Variants in VPS13B observed in about 807,000 individuals in gnomAD.
The protein encoded by VPS13B is vacuolar protein sorting 13 homolog B.
Under a neutral mutation model 426.4 loss-of-function variants are expected in VPS13B, and 285 were observed. The observed-to-expected ratio is 0.67, with a 90% CI of 0.61 to 0.74. The LOEUF (loss-of-function observed/expected upper bound fraction) is 0.74. VPS13B is among the 30% of genes least tolerant of loss of function. The probability of loss-of-function intolerance (pLI) is 0.00; values close to 1 mark genes in which losing one functional copy is unlikely to be tolerated. For synonymous variants in VPS13B, 1,676 were observed against 1,676.4 expected, an observed-to-expected ratio of 1.00 and a Z score of 0.01; for missense variants, 4,537 against 4,782.6, an observed-to-expected ratio of 0.95 and a Z score of 1.51.
chr8:99,708,802 A>AT (rs1563875172), intron 36 of VPS13B, among the ~76,000 whole-genome samples: 1 of 151,464 alleles, frequency 6.6e-6, no homozygotes, highest in South Asian at 2.1e-4. Context: ...TTAGTTTACC[A>AT]TATTAATAGG....
intron 39 of VPS13B, among the ~76,000 whole-genome samples, chr8:99,729,239 A>G (rs1276977429): frequency 1.3e-5 from 2 of 151,946 alleles, no homozygotes; most frequent in Non-Finnish European, 1.5e-5. Flanking sequence ...CTTGCTTTCC[A>G]CCCTGGCTAT....
intron 24 of VPS13B, among the ~76,000 whole-genome samples, chr8:99,477,181 A>G (rs957547253): frequency 1.3e-5 from 2 of 152,164 alleles, no homozygotes; most frequent in Admixed American, 6.5e-5. Flanking sequence ...AGATACCTAT[A>G]TATTCCTTTT....
At chr8:99,183,809 C>T (rs1813073023) in intron 16 of VPS13B, among the ~76,000 whole-genome samples, 1 of 152,116 alleles carries the variant, frequency 6.6e-6, no homozygotes, top group Admixed American at 6.5e-5. Context: ...TGTTTTTAAG[C>T]ATACAATTCA....
intron 21 of VPS13B, chr8:99,424,373 G>A (rs1183057751): frequency 6.6e-6 from 1 of 151,664 alleles, no homozygotes; most frequent in Non-Finnish European, 1.5e-5. Context: ...CAATTTGCCA[G>A]CCAGTCAAAC....
intron 17 of VPS13B, among the ~76,000 whole-genome samples, chr8:99,266,464 A>T (rs924295091): frequency 2.6e-5 from 4 of 152,054 alleles, no homozygotes; most frequent in Admixed American, 6.6e-5. Flanking sequence ...GACTAAGATT[A>T]TGTGTTAGGA....
intron 43 of VPS13B, among the ~76,000 whole-genome samples, chr8:99,789,156 C>G (rs1355299412): frequency 6.6e-6 from 1 of 152,120 alleles, no homozygotes; most frequent in Admixed American, 6.6e-5. Flanking sequence ...CGGAAAGCAA[C>G]AGGTTTTGAG....
chr8:99,415,886 C>CG (rs1484440134), intron 21 of VPS13B, among the ~76,000 whole-genome samples: 1 of 152,310 alleles, frequency 6.6e-6, no homozygotes, highest in East Asian at 1.9e-4. Context: ...TCAGGAAGCA[C>CG]GGGGGTCGGG....
chr8:99,832,696 G>A, intron 52 of VPS13B, 44 bp downstream of exon 52: 2 of 1,599,978 alleles, frequency 1.3e-6, no homozygotes, highest in Non-Finnish European at 1.7e-6. Context: ...TTGCTTGTCA[G>A]TCTAGCTGTT....
chr8:99,365,969 TTG>T (rs535109734), intron 19 of VPS13B, among the ~76,000 whole-genome samples: 33 of 146,294 alleles, frequency 2.3e-4, no homozygotes, highest in Non-Finnish European at 3.9e-4. Flanking sequence ...AGGTTTTTTG[TTG>T]TTTTTTTTTT....
chr8:99,417,460 C>T (rs981153413), intron 21 of VPS13B, among the ~76,000 whole-genome samples: 36 of 152,178 alleles, frequency 2.4e-4, no homozygotes, highest in Non-Finnish European at 3.5e-4. Flanking sequence ...AACTACCTCT[C>T]TCAACCTAAA....
intron 14 of VPS13B, among the ~76,000 whole-genome samples, chr8:99,156,097 A>G (rs191023696): frequency 1.3e-5 from 2 of 152,290 alleles, no homozygotes; most frequent in Non-Finnish European, 2.9e-5. Flanking sequence ...ACCTGCAAAC[A>G]TTGCTTATTG....
intron 42 of VPS13B, among the ~76,000 whole-genome samples, chr8:99,783,792 C>T (rs1168404588): frequency 6.6e-6 from 1 of 152,202 alleles, no homozygotes; most frequent in Admixed American, 6.5e-5. Flanking sequence ...ATTTACATCT[C>T]TCACTGAGCA....
chr8:99,830,648 G>GA (rs147787783), intron 51 of VPS13B, among the ~76,000 whole-genome samples: 7 of 151,866 alleles, frequency 4.6e-5, no homozygotes, highest in African/African-American at 9.7e-5. Context: ...ACTGGGGTAT[G>GA]AAAAAAAACT....
rs933434990 is a variant in VPS13B, at chr8:99,876,746, A to C, written c.*1080A>C. The C allele has an allele frequency of 6.6e-6, 1 of 152,172 alleles. No individual in the cohort carries two copies. The highest frequency in any genetic ancestry group is 6.5e-5 in the Admixed American group (1 of 15,280). The allele number at this position is 152,172 out of a possible 1,614,324, so 9.4% of individuals were successfully genotyped here. A position where few individuals can be genotyped will look rare whatever the true frequency, so the allele number is the denominator to read the frequency against. On this transcript the variant is annotated 3_prime_UTR_variant, in exon 62 of 62. Transcript: ENST00000357162. The stretch of plus-strand genomic sequence containing the variant: ...TCAGTAAATATCTTTCTTACAGTCC[A>C]GTAGCTTAGAGCATGTTTGCTGATT...
chr8:99,274,117 T>G (rs963637584), intron 17 of VPS13B, 81 bp from the exon 18 acceptor site: 2 of 1,576,226 alleles, frequency 1.3e-6, no homozygotes, highest in Non-Finnish European at 1.7e-6. Flanking sequence ...AGAGTATAAT[T>G]AAGTTTAAAT....
At chr8:99,233,406 G>A (rs776709392) in intron 17 of VPS13B, 15 of 1,150,236 alleles carry the variant, frequency 1.3e-5, no homozygotes, top group African/African-American at 9.1e-5. Flanking sequence ...AGGCTCTGGC[G>A]AGTCTTGCCA....
At chr8:99,381,078 C>T (rs547457920) in intron 19 of VPS13B, among the ~76,000 whole-genome samples, 4 of 151,976 alleles carry the variant, frequency 2.6e-5, no homozygotes, top group Admixed American at 1.3e-4. Context: ...CTGATAGGCC[C>T]CAATGTCTGT....
intron 56 of VPS13B, among the ~76,000 whole-genome samples, chr8:99,858,587 A>G (rs1326713596): frequency 6.6e-6 from 1 of 152,118 alleles, no homozygotes; most frequent in African/African-American, 2.4e-5. Context: ...TGGGAGGCTG[A>G]GGCAGAAGAA....
intron 8 of VPS13B, among the ~76,000 whole-genome samples, chr8:99,130,294 T>G (rs936279173): frequency 5.3e-5 from 8 of 152,194 alleles, no homozygotes; most frequent in African/African-American, 1.9e-4. Context: ...CATTAGCATT[T>G]TGAGCAGTTG....
Sources: allele counts gnomAD v4.1 joint callset (sites outside exome capture counted in the v4.1 genomes callset), GRCh38; gene constraint gnomAD v4.1.1; transcripts MANE v1.5; gene names NCBI Gene and HGNC (gene_info 2026-07-23, HGNC 2026-07-21).